STAU2: variants seen among roughly 807,000 people sequenced by gnomAD.
STAU2 encodes staufen double-stranded RNA binding protein 2.
Under a neutral mutation model 65.9 loss-of-function variants are expected in STAU2, and 20 were observed. The ratio of observed to expected loss-of-function variants is 0.30; its 90% CI spans 0.21 to 0.44. The LOEUF is 0.44. STAU2 is among the 20% of genes least tolerant of loss of function. STAU2 has a pLI of 1.00. For missense variants in STAU2, 558 were observed against 683.9 expected (o/e 0.82, Z 2.05); for synonymous variants, 232 against 233.9 (o/e 0.99, Z 0.07).
intron 13 of STAU2, among the ~76,000 whole-genome samples, chr8:73,511,025 C>T (rs1822368947): frequency 6.6e-6 from 1 of 152,246 alleles, no homozygotes; most frequent in Non-Finnish European, 1.5e-5. Context: ...TCTTGGTGAC[C>T]ACTGAAGGCA....
Position 73,746,776 on chromosome 8 carries a change from T to C in STAU2, c.-197+7A>G. 8.1e-7 allele frequency: 1 copy of C among 1,228,512 alleles called. No individual in the cohort carries two copies. The highest frequency in any genetic ancestry group is 1.0e-6 in the Non-Finnish European group (1 of 984,086). 76.1% of individuals were successfully genotyped at this position (1,228,512 alleles called of 1,614,324 possible). A position where few individuals can be genotyped will look rare whatever the true frequency, so the allele number is the denominator to read the frequency against. ...GTCTCCCGGACGCCCCCGATGAGGGTATTTACCTTCTTGCCGGGGACACTT... is the reference window on the plus strand; with the variant it reads ...GTCTCCCGGACGCCCCCGATGAGGGCATTTACCTTCTTGCCGGGGACACTT... On this transcript the variant is annotated splice_region_variant and intron_variant, in intron 1 of 14. Transcript: ENST00000524300.
chr8:73,609,199 T>C (rs1307238605), intron 9 of STAU2, among the ~76,000 whole-genome samples: 1 of 151,964 alleles, frequency 6.6e-6, no homozygotes, highest in Non-Finnish European at 1.5e-5. Context: ...AAGATGAAAT[T>C]GAACCCCCAG....
chr8:73,590,900 C>G (rs1278295990), intron 11 of STAU2: 1 of 153,746 alleles, frequency 6.5e-6, no homozygotes, highest in Admixed American at 6.5e-5. Flanking sequence ...TGAGCCCCCA[C>G]CCCACTTTGT....
At chr8:73,741,640 G>A (rs1806889069) in intron 1 of STAU2, among the ~76,000 whole-genome samples, 1 of 151,804 alleles carries the variant, frequency 6.6e-6, no homozygotes, top group South Asian at 2.1e-4. Flanking sequence ...AGACTCCCCA[G>A]TAGCTGGGGA....
chr8:73,706,604 A>C (rs536205289), intron 4 of STAU2, among the ~76,000 whole-genome samples: 2 of 152,332 alleles, frequency 1.3e-5, no homozygotes, highest in East Asian at 3.9e-4. Context: ...CTATATTATT[A>C]TGTGAACTTA....
At chr8:73,551,973 T>C in intron 13 of STAU2, 39 bp downstream of exon 13, 3 of 1,520,576 alleles carry the variant, frequency 2.0e-6, no homozygotes, top group Non-Finnish European at 2.6e-6. Context: ...CTGAGGCTAA[T>C]GAATTGTTTT....
At chr8:73,567,213 A>G (rs1403998445) in intron 12 of STAU2, among the ~76,000 whole-genome samples, 2 of 152,074 alleles carry the variant, frequency 1.3e-5, no homozygotes, top group Non-Finnish European at 2.9e-5. Context: ...TTACTTTTTA[A>G]GATTAAAAAA....
intron 12 of STAU2, among the ~76,000 whole-genome samples, chr8:73,582,449 T>C (rs908123667): frequency 6.7e-6 from 1 of 149,948 alleles, no homozygotes; most frequent in Non-Finnish European, 1.5e-5. Flanking sequence ...TATTTTTATA[T>C]TATTTAAATT....
At chr8:73,596,662 AAT>A (rs1468714567) in intron 10 of STAU2, among the ~76,000 whole-genome samples, 2 of 152,014 alleles carry the variant, frequency 1.3e-5, no homozygotes, top group African/African-American at 4.8e-5. Context: ...CCGCCTGGGC[AAT>A]ATAGTGAGAC....
At chr8:73,560,234 C>T (rs1808122189) in intron 12 of STAU2, among the ~76,000 whole-genome samples, 1 of 152,054 alleles carries the variant, frequency 6.6e-6, no homozygotes, top group Non-Finnish European at 1.5e-5. Context: ...GCTCCCACCA[C>T]CATGCCTGGC....
intron 10 of STAU2, among the ~76,000 whole-genome samples, chr8:73,600,981 AT>A (rs1811592329): frequency 6.6e-6 from 1 of 152,244 alleles, no homozygotes; most frequent in Non-Finnish European, 1.5e-5. Context: ...TCACTTTATT[AT>A]AAAAGTTAAG....
At chr8:73,563,606 T>C (rs1298110196) in intron 12 of STAU2, among the ~76,000 whole-genome samples, 1 of 152,212 alleles carries the variant, frequency 6.6e-6, no homozygotes, top group African/African-American at 2.4e-5. Flanking sequence ...AAAGGGTCCA[T>C]AGGATCTCTT....
intron 13 of STAU2, among the ~76,000 whole-genome samples, chr8:73,501,768 T>C (rs1408733386): frequency 3.3e-5 from 5 of 152,028 alleles, no homozygotes; most frequent in African/African-American, 9.7e-5. Context: ...TTCAATGCAA[T>C]AATTATTCAT....
rs987623206 is a variant in STAU2 at position 73,651,441 on chromosome 8, T to C, written c.410+21666A>G. The C allele has an allele frequency of 7.5e-6, 5 of 669,724 alleles. No individual in the cohort carries two copies. The African/African-American group carries it at 8.9e-5, about 12-fold the overall frequency. 41.5% of individuals were successfully genotyped at this position (669,724 alleles called of 1,614,324 possible). The stretch of plus-strand genomic sequence containing the variant: ...AAAACCTGGTTTCAAAATCGCCGCA[T>C]GAAACACGAACGGCAAATGCAGGAC... On this transcript the variant is annotated intron_variant, in intron 6 of 14. Coordinates refer to ENST00000524300, the MANE Select transcript of STAU2 (RefSeq NM_001164380.2).
At chr8:73,436,956 G>A (rs762501184) in intron 13 of STAU2, among the ~76,000 whole-genome samples, 62 of 152,104 alleles carry the variant, frequency 4.1e-4, no homozygotes, top group Non-Finnish European at 8.4e-4. Context: ...CAAATATCAG[G>A]TAAAGATACA....
At chr8:73,555,582 CAAT>C (rs1807686342) in intron 12 of STAU2, among the ~76,000 whole-genome samples, 3 of 151,194 alleles carry the variant, frequency 2.0e-5, no homozygotes, top group African/African-American at 7.3e-5. Flanking sequence ...ACCCCACACA[CAAT>C]AAAAAATAAT....
chr8:73,485,412 C>T (rs993823043), intron 13 of STAU2, among the ~76,000 whole-genome samples: 10 of 151,918 alleles, frequency 6.6e-5, no homozygotes, highest in Admixed American at 4.6e-4. Context: ...GCTCTGCCCC[C>T]GGGAAGTTTA....
chr8:73,475,256 T>C (rs1445855843), intron 13 of STAU2, among the ~76,000 whole-genome samples: 2 of 152,154 alleles, frequency 1.3e-5, no homozygotes, highest in African/African-American at 4.8e-5. Flanking sequence ...CTGCAGTATA[T>C]TGTATTTCAG....
intron 12 of STAU2, among the ~76,000 whole-genome samples, chr8:73,566,242 A>G (rs574653726): frequency 6.6e-6 from 1 of 152,360 alleles, no homozygotes; most frequent in African/African-American, 2.4e-5. Context: ...CATCACCCAA[A>G]AAGCCTGTTG....
Sources: gnomAD v4.1 joint callset for allele counts (sites outside exome capture counted in the v4.1 genomes callset) on GRCh38, gnomAD v4.1.1 for gene constraint, MANE v1.5 for transcripts, NCBI Gene and HGNC (gene_info 2026-07-23, HGNC 2026-07-21) for gene names.